Variants in TBCEL observed in about 807,000 individuals in gnomAD.
TBCEL encodes tubulin-specific chaperone cofactor E-like protein.
In TBCEL, 15 loss-of-function variants were observed where a neutral mutation model predicts 44.2. That is an observed-to-expected ratio of 0.34 (90% CI 0.23 to 0.52). The LOEUF is 0.52. Ranked by LOEUF, TBCEL falls within the 20% of genes least tolerant of loss-of-function variation. The pLI is 0.95. For missense variants in TBCEL, 319 were observed against 506.3 expected, an observed-to-expected ratio of 0.63 and a Z score of 3.55; for synonymous variants, 171 against 185.4, an observed-to-expected ratio of 0.92 and a Z score of 0.63.
intron 8 of TBCEL, among the ~76,000 whole-genome samples, chr11:121,075,948 T>C (rs1946025618): frequency 6.6e-6 from 1 of 151,942 alleles, no homozygotes; most frequent in South Asian, 2.1e-4. Flanking sequence ...CTGGTAAGAC[T>C]ATCCTTTTTC....
chr11:121,079,132 C>G (rs1946081230), intron 8 of TBCEL, among the ~76,000 whole-genome samples: 1 of 152,134 alleles, frequency 6.6e-6, no homozygotes, highest in Non-Finnish European at 1.5e-5. Flanking sequence ...AGATACTTTG[C>G]TATATGTGTG....
chr11:121,029,756 C>T (rs1018483698), intron 1 of TBCEL, among the ~76,000 whole-genome samples: 3 of 147,810 alleles, frequency 2.0e-5, no homozygotes, highest in Non-Finnish European at 3.0e-5. Context: ...AATGCGTTTC[C>T]GGTGATTTTC....
intron 8 of TBCEL, among the ~76,000 whole-genome samples, chr11:121,079,187 T>C (rs1468131755): frequency 1.3e-5 from 2 of 152,214 alleles, no homozygotes; most frequent in Non-Finnish European, 2.9e-5. Context: ...AATGCAGATA[T>C]TTGGGGAAGA....
chr11:121,073,471 CT>C (rs897664817), intron 8 of TBCEL, among the ~76,000 whole-genome samples: 5 of 151,570 alleles, frequency 3.3e-5, no homozygotes, highest in Admixed American at 1.3e-4. Context: ...ATAGAAATGT[CT>C]TTTTTTTATG....
intron 2 of TBCEL, among the ~76,000 whole-genome samples, chr11:121,039,783 T>C (rs1252079439): frequency 6.6e-6 from 1 of 152,222 alleles, no homozygotes; most frequent in African/African-American, 2.4e-5. Context: ...CCAAGGAACC[T>C]AAAGGTGAAA....
At chr11:121,044,456 G>A (rs1425550520) in intron 2 of TBCEL, among the ~76,000 whole-genome samples, 2 of 152,002 alleles carry the variant, frequency 1.3e-5, no homozygotes, top group African/African-American at 4.8e-5. Context: ...CAGATATTTT[G>A]TGCTTACTCA....
intron 6 of TBCEL, among the ~76,000 whole-genome samples, chr11:121,056,047 C>T (rs566325808): frequency 5.9e-5 from 9 of 151,644 alleles, no homozygotes; most frequent in South Asian, 4.2e-4. Context: ...GTAAATTCTA[C>T]GGATTTTCAC....
At chr11:121,064,481 T>A (rs1945781409) in intron 8 of TBCEL, among the ~76,000 whole-genome samples, 1 of 152,182 alleles carries the variant, frequency 6.6e-6, no homozygotes, top group Non-Finnish European at 1.5e-5. Context: ...ACCAATTAGC[T>A]ATTGGAAAAG....
At chr11:121,049,563 T>C (rs546567931) in intron 4 of TBCEL, among the ~76,000 whole-genome samples, 1 of 151,746 alleles carries the variant, frequency 6.6e-6, no homozygotes, top group South Asian at 2.1e-4. Context: ...TTTGTATATA[T>C]ATTTATTTAC....
rs151150784 is a variant in TBCEL at position 121,087,992 on chromosome 11, T to G, written c.*896T>G. ...ATCTTTCTTTTTCATTACTTTAAAC[T>G]ATTGGGAATTGAGGCCTGACTTCAT... On this transcript the variant is annotated 3_prime_UTR_variant, in exon 9 of 9. Coordinates refer to ENST00000683345, the MANE Select transcript of TBCEL (RefSeq NM_001363644.2). 156 of 152,338 alleles carry G rather than the reference T, an allele frequency of 1.0e-3. No individual in the cohort carries two copies. The highest frequency in any genetic ancestry group is 3.5e-3 in the African/African-American group (146 of 41,582). The allele number at this position is 152,338 out of a possible 1,614,324, so 9.4% of individuals were successfully genotyped here.
chr11:121,072,844 A>T (rs1189724105), intron 8 of TBCEL, among the ~76,000 whole-genome samples: 1 of 152,070 alleles, frequency 6.6e-6, no homozygotes, highest in African/African-American at 2.4e-5. Flanking sequence ...TATATTTATG[A>T]CTTAAATCTA....
At chr11:121,042,192 C>T (rs1293235435) in intron 2 of TBCEL, among the ~76,000 whole-genome samples, 1 of 152,078 alleles carries the variant, frequency 6.6e-6, no homozygotes, top group African/African-American at 2.4e-5. Context: ...GACAGTTCAC[C>T]CTCTCCACAC....
chr11:121,029,744 A>T (rs1035867022), intron 1 of TBCEL, among the ~76,000 whole-genome samples: 1 of 151,762 alleles, frequency 6.6e-6, no homozygotes, highest in Non-Finnish European at 1.5e-5. Flanking sequence ...TGTTCTTGGA[A>T]TAATGCGTTT....
chr11:121,037,203 T>G (rs1945246695), intron 2 of TBCEL, among the ~76,000 whole-genome samples: 1 of 152,196 alleles, frequency 6.6e-6, no homozygotes, highest in African/African-American at 2.4e-5. Flanking sequence ...TAGTAGGGTG[T>G]GAAATCGTGG....
chr11:121,038,118 C>T (rs1945266772), intron 2 of TBCEL, among the ~76,000 whole-genome samples: 1 of 152,004 alleles, frequency 6.6e-6, no homozygotes, highest in South Asian at 2.1e-4. Context: ...TGCCACCATA[C>T]CCGGCTAATT....
intron 8 of TBCEL, among the ~76,000 whole-genome samples, chr11:121,068,432 G>C (rs1945862678): frequency 6.6e-6 from 1 of 150,930 alleles, no homozygotes; most frequent in Non-Finnish European, 1.5e-5. Context: ...TATAGAATCT[G>C]ACTACTGCTT....
chr11:121,029,057 A>AT (rs1431857088), intron 1 of TBCEL, among the ~76,000 whole-genome samples: 1 of 151,668 alleles, frequency 6.6e-6, no homozygotes, highest in African/African-American at 2.4e-5. Flanking sequence ...TTCTCACTTT[A>AT]TTTTGCATTT....
intron 1 of TBCEL, among the ~76,000 whole-genome samples, chr11:121,031,662 C>CTTTTTT (rs1159376351): frequency 2.0e-4 from 20 of 101,870 alleles, no homozygotes; most frequent in South Asian, 3.4e-4. Flanking sequence ...TTTTTTCTTT[C>CTTTTTT]TTTTTTTTTT....
rs1946249240 is a variant in TBCEL, at chr11:121,088,506, A to G, written c.*1410A>G. The G allele has an allele frequency of 6.6e-6, 1 of 152,164 alleles. No homozygotes were observed. The highest frequency in any genetic ancestry group is 2.1e-4 in the South Asian group (1 of 4,824). 9.4% of individuals were successfully genotyped at this position (152,164 alleles called of 1,614,324 possible). On this transcript the variant is annotated 3_prime_UTR_variant, in exon 9 of 9. Transcript: ENST00000683345. ...TAATGTGTATTTTTCTTGGTCCACC[A>G]TGTTTACAGATGGGAGACTTGAGAG...
Sources: allele counts gnomAD v4.1 joint callset (sites outside exome capture counted in the v4.1 genomes callset), GRCh38; gene constraint gnomAD v4.1.1; transcripts MANE v1.5; gene names NCBI Gene and HGNC (gene_info 2026-07-23, HGNC 2026-07-21).